The following BAIAP2L1 variants were observed in gnomAD, a reference collection of about 807,000 sequenced individuals.
The protein encoded by BAIAP2L1 is BAR/IMD domain-containing adapter protein 2-like 1.
BAIAP2L1 carries 35 observed loss-of-function variants against 66.3 expected under a neutral mutation model. That is an observed-to-expected ratio of 0.53 (90% CI 0.40 to 0.70). BAIAP2L1 has a LOEUF of 0.70. Among genes scored for constraint, BAIAP2L1 ranks in the 30% least tolerant of loss-of-function variants. The pLI is 0.00. For synonymous variants in BAIAP2L1, 269 were observed against 248.7 expected, an observed-to-expected ratio of 1.08 and a Z score of -0.77; for missense variants, 622 against 656.9, an observed-to-expected ratio of 0.95 and a Z score of 0.58.
At chr7:98,341,481 G>A (rs1388033430) in intron 3 of BAIAP2L1, among the ~76,000 whole-genome samples, 3 of 152,056 alleles carry the variant, frequency 2.0e-5, no homozygotes, top group Non-Finnish European at 4.4e-5. Flanking sequence ...CCAGGAGTTC[G>A]AGACCAGCCT....
At chr7:98,314,589 T>C (rs1386219436) in intron 7 of BAIAP2L1, among the ~76,000 whole-genome samples, 4 of 152,014 alleles carry the variant, frequency 2.6e-5, no homozygotes, top group African/African-American at 9.7e-5. Flanking sequence ...GCTGTGTGTG[T>C]TGGAAGGAGG....
rs935295858 is a variant in BAIAP2L1 at position 98,317,229 on chromosome 7, T to C, written c.476A>G (p.Lys159Arg). 1 of 1,614,118 alleles carries C rather than the reference T, an allele frequency of 6.2e-7. No individual in the cohort carries two copies. The highest frequency in any genetic ancestry group is 1.3e-5 in the African/African-American group (1 of 74,938). ...TGTTGAAAAGCTCACCTCAATTTCT[T>C]TGTGTTCATATTTGAGTGCGTTTCG... ...GSRNALKYEHKEIEYVETVTS... is the reference protein window; with the variant it reads ...GSRNALKYEHREIEYVETVTS... The change falls in exon 6 of 14, where the codon AAA (lysine) becomes AGA (arginine). Residue 159 changes from lysine (K) to arginine (R), a missense_variant. Transcript: ENST00000005260.
intron 3 of BAIAP2L1, among the ~76,000 whole-genome samples, chr7:98,336,956 A>G (rs1801629658): frequency 6.6e-6 from 1 of 152,174 alleles, no homozygotes; most frequent in Non-Finnish European, 1.5e-5. Flanking sequence ...AAGTCACTCA[A>G]CCTAAGCTTC....
At chr7:98,377,429 C>T (rs1802659051) in intron 1 of BAIAP2L1, among the ~76,000 whole-genome samples, 2 of 152,124 alleles carry the variant, frequency 1.3e-5, no homozygotes, top group Non-Finnish European at 2.9e-5. Context: ...CTGAAACCAC[C>T]GTGTCAAAGT....
chr7:98,312,600 G>C (rs1307280608), intron 7 of BAIAP2L1, among the ~76,000 whole-genome samples: 1 of 152,170 alleles, frequency 6.6e-6, no homozygotes, highest in Admixed American at 6.5e-5. Context: ...TTTTCCAGGT[G>C]GCCCCAGAAA....
intron 12 of BAIAP2L1, among the ~76,000 whole-genome samples, chr7:98,297,414 G>C (rs1041005425): frequency 2.0e-5 from 3 of 152,294 alleles, no homozygotes; most frequent in African/African-American, 2.4e-5. Context: ...GGCTGCAGCA[G>C]AGAATGCTGG....
In BAIAP2L1 at chr7:98,292,561, T is replaced by TA; in HGVS notation, c.*959dup. 7.2e-7 allele frequency: 1 copy of TA among 1,381,278 alleles called. No homozygotes were observed. Among genetic ancestry groups the TA allele is most frequent in the East Asian group, 2.5e-5 (1 of 40,090 alleles). 85.6% of individuals were successfully genotyped at this position (1,381,278 alleles called of 1,614,324 possible). On this transcript the variant is annotated 3_prime_UTR_variant, in exon 14 of 14. Coordinates refer to ENST00000005260, the MANE Select transcript of BAIAP2L1 (RefSeq NM_018842.5). ...CCCCGGGCTCAGGGCAGCCAGTGCGTAGTCCTCACATCCATACCATAGGGC... is the reference window on the plus strand; with the variant it reads ...CCCCGGGCTCAGGGCAGCCAGTGCGTAAGTCCTCACATCCATACCATAGGGC...
rs993701535 is a variant in BAIAP2L1, at chr7:98,324,439, C to T, written c.215-4141G>A. ...ATTTTAGAAACTGTGAACAAATATG[C>T]CCAACATTTTGGACACTATTGTATA... On this transcript the variant is annotated intron_variant, in intron 3 of 13. Coordinates refer to ENST00000005260, the MANE Select transcript of BAIAP2L1 (RefSeq NM_018842.5). 2.6e-5 allele frequency among the ~76,000 whole-genome samples: 4 copies of T among 152,284 alleles called. No individual in the cohort carries two copies. The South Asian group carries it at 6.2e-4, about 24-fold the overall frequency.
At chr7:98,338,477 C>T (rs977672782) in intron 3 of BAIAP2L1, among the ~76,000 whole-genome samples, 29 of 151,226 alleles carry the variant, frequency 1.9e-4, no homozygotes, top group Non-Finnish European at 3.5e-4. Flanking sequence ...ATTCCCCTTT[C>T]TCGCATGAAG....
intron 3 of BAIAP2L1, among the ~76,000 whole-genome samples, chr7:98,350,646 G>A (rs1398598044): frequency 1.2e-4 from 18 of 152,092 alleles, no homozygotes; most frequent in African/African-American, 3.6e-4. Flanking sequence ...GCGACAGAGC[G>A]AGACTTCGTC....
intron 3 of BAIAP2L1, among the ~76,000 whole-genome samples, chr7:98,353,310 G>A (rs916002473): frequency 4.9e-5 from 7 of 143,780 alleles, no homozygotes; most frequent in Non-Finnish European, 9.0e-5. Flanking sequence ...CCAACACAGA[G>A]AGACCCCCTA....
Position 98,292,977 on chromosome 7 carries a change from C to A in BAIAP2L1, c.*544G>T. The A allele has an allele frequency of 1.7e-6, 2 of 1,196,144 alleles. No individual in the cohort carries two copies. Among genetic ancestry groups the A allele is most frequent in the Non-Finnish European group, 1.0e-6 (1 of 964,292 alleles). 74.1% of individuals were successfully genotyped at this position (1,196,144 alleles called of 1,614,324 possible). Reference sequence around the variant, plus strand: ...GTTGGAGGGAGGGTGGGGGTTTCTCCATCTCTGGAAGCTCTACACTTAAAC... The same window carrying A: ...GTTGGAGGGAGGGTGGGGGTTTCTCAATCTCTGGAAGCTCTACACTTAAAC... On this transcript the variant is annotated 3_prime_UTR_variant, in exon 14 of 14. Coordinates refer to ENST00000005260, the MANE Select transcript of BAIAP2L1 (RefSeq NM_018842.5).
At chr7:98,395,697 A>G (rs866183813) in intron 1 of BAIAP2L1, among the ~76,000 whole-genome samples, 1 of 152,192 alleles carries the variant, frequency 6.6e-6, no homozygotes, top group African/African-American at 2.4e-5. Flanking sequence ...GTTAAACTAA[A>G]TTTTATGCAG....
intron 1 of BAIAP2L1, among the ~76,000 whole-genome samples, chr7:98,376,165 T>C (rs556050454): frequency 1.3e-5 from 2 of 152,292 alleles, no homozygotes; most frequent in East Asian, 1.9e-4. Context: ...CCCTTTATGA[T>C]GGTTTAAGTG....
At chr7:98,354,532 C>T (rs966963486) in intron 3 of BAIAP2L1, among the ~76,000 whole-genome samples, 15 of 152,218 alleles carry the variant, frequency 9.9e-5, no homozygotes, top group Non-Finnish European at 1.3e-4. Context: ...CAGATCCCCT[C>T]GGCAGCGGGC....
chr7:98,337,623 T>C (rs1480756182), intron 3 of BAIAP2L1, among the ~76,000 whole-genome samples: 2 of 152,236 alleles, frequency 1.3e-5, no homozygotes, highest in African/African-American at 4.8e-5. Context: ...ACAGGTTTCA[T>C]AGTTGGGTAT....
intron 1 of BAIAP2L1, among the ~76,000 whole-genome samples, chr7:98,363,900 C>G (rs1302471208): frequency 6.6e-6 from 1 of 152,170 alleles, no homozygotes; most frequent in African/African-American, 2.4e-5. Flanking sequence ...TTTAATCAAA[C>G]TGTGATAACA....
intron 3 of BAIAP2L1, among the ~76,000 whole-genome samples, chr7:98,342,224 G>T (rs1355646513): frequency 1.3e-5 from 2 of 151,694 alleles, no homozygotes; most frequent in African/African-American, 4.8e-5. Context: ...GCTAACTTTT[G>T]TATTTTTAGT....
At position 98,304,253 on chromosome 7, in the gene BAIAP2L1, C is replaced by T. The variant is rs752073058; in HGVS notation, c.1365G>A (p.Ser455=). The part of the protein sequence containing the change: ...MGAAADRRAD[S]ARTTSTFKAP... ...CCTTAAAGGTGGATGTCGTCCTGGC[C>T]GAATCTGCTCTCCTGTCGGCAGCTG... The change falls in exon 12 of 14, where the codon TCG becomes TCA. Residue 455 remains serine (S), a synonymous_variant. Coordinates refer to ENST00000005260, the MANE Select transcript of BAIAP2L1 (RefSeq NM_018842.5). The T allele has an allele frequency of 1.9e-5, 30 of 1,613,424 alleles. No homozygotes were observed. The highest frequency in any genetic ancestry group is 5.0e-5 in the Admixed American group (3 of 59,850).
Sources: gnomAD v4.1 joint callset for allele counts (sites outside exome capture counted in the v4.1 genomes callset) on GRCh38, gnomAD v4.1.1 for gene constraint, MANE v1.5 for transcripts, NCBI Gene and HGNC (gene_info 2026-07-23, HGNC 2026-07-21) for gene names.